Variants in PLEC observed in about 807,000 individuals in gnomAD.
PLEC encodes hemidesmosomal protein 1.
Under a neutral mutation model 392.8 loss-of-function variants are expected in PLEC, and 216 were observed. The observed-to-expected ratio is 0.55, with a 90% CI of 0.49 to 0.62. PLEC has a LOEUF of 0.62. Ranked by LOEUF, PLEC falls within the 20% of genes least tolerant of loss-of-function variation. The pLI, the probability that PLEC is intolerant of heterozygous loss-of-function variation, is 0.00. For synonymous variants in PLEC, 3,621 were observed against 2,980.6 expected (o/e 1.21, Z -7.00); for missense variants, 6,863 against 6,563.4 (o/e 1.05, Z -1.58).
In PLEC at chr8:143,925,056, C is replaced by A; in HGVS notation, c.4873G>T (p.Glu1625Ter). 6.5e-7 allele frequency: 1 copy of A among 1,544,966 alleles called. No homozygotes were observed. The highest frequency in any genetic ancestry group is 8.7e-7 in the Non-Finnish European group (1 of 1,152,210). Reference sequence around the variant, plus strand: ...CGCTCCAGCTCCCGCTCTGCCTCCTCGCGCGCCCGCTCGGCCTCGGCCTGC... The same window carrying A: ...CGCTCCAGCTCCCGCTCTGCCTCCTAGCGCGCCCGCTCGGCCTCGGCCTGC... ...QQQAEAERAR[E>*]EAERELERWQ... The change falls in exon 31 of 32, where the codon GAG becomes TAG. Residue 1625 changes from glutamate to a stop codon, truncating the protein, a stop_gained. Transcript: ENST00000345136. LOFTEE classifies it high-confidence loss of function.
chr8:143,942,264 A>T, upstream of PLEC: 1 of 1,050,276 alleles, frequency 9.5e-7, no homozygotes, highest in Non-Finnish European at 1.4e-6. Context: ...GCTCGGGGGC[A>T]AGGCTGCACC....
At position 143,934,070 on chromosome 8, in the gene PLEC, G is replaced by A. The variant is rs781888321; in HGVS notation, c.1191C>T (p.Ile397=). The A allele has an allele frequency of 8.9e-5, 143 of 1,611,636 alleles. No homozygotes were observed. The highest frequency in any genetic ancestry group is 1.1e-4 in the Non-Finnish European group (135 of 1,179,542). ...EFERLECLQR[I]VTKLQMEAGL... Reference sequence around the variant, plus strand: ...CCGCCTCCATCTGCAGCTTGGTCACGATGCGCTGAAGACACTCCAGCCTGC... The same window carrying A: ...CCGCCTCCATCTGCAGCTTGGTCACAATGCGCTGAAGACACTCCAGCCTGC... Residue 397 remains isoleucine, a synonymous_variant, in exon 12 of 32, where the codon ATC becomes ATT. Transcript: ENST00000345136.
intron 12 of PLEC, 142 bp downstream of exon 12, chr8:143,933,856 T>C (rs1554719731): frequency 1.4e-6 from 1 of 701,084 alleles, no homozygotes; most frequent in East Asian, 2.7e-5. Context: ...CAGGCCTGGA[T>C]TCCCCACCAC....
In PLEC at chr8:143,927,742, G is replaced by T. The variant is rs781789757; in HGVS notation, c.3424C>A (p.Gln1142Lys). 14 of 1,598,014 alleles carry T rather than the reference G, an allele frequency of 8.8e-6. No individual in the cohort carries two copies. Among genetic ancestry groups the T allele is most frequent in the Non-Finnish European group, 1.1e-5 (13 of 1,172,020 alleles). The change falls in exon 27 of 32, where the codon CAG becomes AAG. Residue 1142 changes from glutamine to lysine, a missense_variant. Gln to Lys is a moderately conservative substitution (Grantham distance 53). Transcript: ENST00000345136. The stretch of plus-strand genomic sequence containing the variant: ...CGCAGGGCGTCGAACGTGGGCTGCT[G>T]TGCCTCGGCCTGGGCCCGCAGCTTC... ...LKKLRAQAEA[Q>K]QPTFDALRDE...
In PLEC at chr8:143,932,776, C is replaced by T. The variant is rs367803033; in HGVS notation, c.1737+17G>A. 143 of 1,611,148 alleles carry T rather than the reference C, an allele frequency of 8.9e-5. 1 individual carries two copies. The highest frequency in any genetic ancestry group is 1.8e-4 in the South Asian group (16 of 90,878). On this transcript the variant is annotated intron_variant, in intron 14 of 31. Transcript: ENST00000345136. ...CCCGGCCCACCCCCGCACTGCCCAT[C>T]GCTCAGCGCCACCCACCTCGTCACT... is the stretch of plus-strand genomic sequence containing the variant.
At position 143,939,372 on chromosome 8, in the gene PLEC, G is replaced by A. The variant is rs782648372; in HGVS notation, c.90C>T (p.Leu30=). The change falls in exon 1 of 32, where the codon CTC becomes CTT. Residue 30 remains leucine, a synonymous_variant. Coordinates refer to ENST00000345136, the MANE Select transcript of PLEC (RefSeq NM_201384.3). ...TACCTTTCTTGCCCTCAGAGGCCCT[G>A]AGCACAGCCAGGTACAGGTTGTCCT... is the stretch of plus-strand genomic sequence containing the variant. The part of the protein sequence containing the change: ...SSEDNLYLAV[L]RASEGKKDER... 7.4e-6 allele frequency: 12 copies of A among 1,612,468 alleles called. No individual in the cohort carries two copies. The South Asian group carries it at 1.1e-4, about 15-fold the overall frequency.
intron 1 of PLEC, among the ~76,000 whole-genome samples, chr8:143,962,549 C>G (rs1228081145): frequency 2.6e-5 from 4 of 152,150 alleles, no homozygotes; most frequent in Non-Finnish European, 5.9e-5. Context: ...GGGTAATAAA[C>G]AGAAGCTGGG....
rs374790646 is a variant in PLEC at position 143,924,409 on chromosome 8, G to A, written c.5520C>T (p.Ala1840=). ...EAERVLAEKL[A]AIGEATRLKT... The stretch of plus-strand genomic sequence containing the variant: ...TGAGCCGCGTGGCCTCGCCGATGGC[G>A]GCCAGCTTCTCCGCAAGCACCCGCT... The change falls in exon 31 of 32, where the codon GCC becomes GCT. Residue 1840 remains alanine, a synonymous_variant. Transcript: ENST00000345136. 553 of 1,593,058 alleles carry A rather than the reference G, an allele frequency of 3.5e-4. 5 individuals carry two copies. Among genetic ancestry groups the A allele is most frequent in the South Asian group, 3.1e-3 (284 of 90,602 alleles).
In PLEC at chr8:143,927,002, G is replaced by A. The variant is rs199796047; in HGVS notation, c.3920C>T (p.Ser1307Leu). 1.1e-4 allele frequency: 177 copies of A among 1,612,944 alleles called. No homozygotes were observed. The highest frequency in any genetic ancestry group is 1.3e-4 in the Non-Finnish European group (156 of 1,179,930). Residue 1307 changes from serine (S) to leucine (L), a missense_variant, in exon 29 of 32, where the codon TCG (serine) becomes TTG (leucine). Ser to Leu is a moderately radical substitution (Grantham distance 145). Coordinates refer to ENST00000345136, the MANE Select transcript of PLEC (RefSeq NM_201384.3). ...CTCCTGGATGACACTCTCTGATCCCGACTGGACCTTGGGCTTCTTGGCCGG... is the reference window on the plus strand; with the variant it reads ...CTCCTGGATGACACTCTCTGATCCCAACTGGACCTTGGGCTTCTTGGCCGG... ...ASPAKKPKVQ[S>L]GSESVIQEYV...
At chr8:143,958,673 AG>A, upstream of PLEC, 1 of 454,578 alleles carries the variant, frequency 2.2e-6, no homozygotes, top group South Asian at 1.6e-5. This position sits in a 1 kb window ranked among gnomAD's most constrained non-coding sequence, Gnocchi z 4.9. Context: ...TGCCCTCTGG[AG>A]GCCCTCCTCA....
rs781809661 is a variant in PLEC at position 143,934,400 on chromosome 8, G to A, written c.1087C>T (p.Pro363Ser). ...CCCCACTCCTTCTCCACATCCAGCG[G>A]GTGGTAGCCAGGGGGCACCTTGAGC... ...GQLKVPPGYH[P>S]LDVEKEWGKL... Residue 363 changes from proline (P) to serine (S), a missense_variant, in exon 11 of 32, where the codon CCG becomes TCG. Physicochemically the swap from Pro to Ser is moderately conservative, Grantham distance 74 (BLOSUM62 -1). Coordinates refer to ENST00000345136, the MANE Select transcript of PLEC (RefSeq NM_201384.3). 8.7e-6 allele frequency: 14 copies of A among 1,612,354 alleles called. No homozygotes were observed. Among genetic ancestry groups the A allele is most frequent in the Admixed American group, 1.7e-5 (1 of 60,016 alleles).
Position 143,923,258 on chromosome 8 carries a change from C to T in PLEC, c.6671G>A (p.Ser2224Asn), listed in dbSNP as rs781886223. The T allele has an allele frequency of 5.0e-6, 8 of 1,605,980 alleles. No homozygotes were observed. In the South Asian group the frequency reaches 8.8e-5, roughly 18 times the overall value. ...AEATEAARQR[S>N]QVEEELFSVR... is the part of the protein sequence containing the mutation. ...CGAGAAGAGCTCCTCCTCCACCTGG[C>T]TGCGCTGGCGTGCGGCCTCCGTGGC... Residue 2224 changes from serine to asparagine, a missense_variant, in exon 31 of 32, where the codon AGC becomes AAC. Coordinates refer to ENST00000345136, the MANE Select transcript of PLEC (RefSeq NM_201384.3).
intron 30 of PLEC, among the ~76,000 whole-genome samples, chr8:143,926,580 G>A (rs1825262122): frequency 6.6e-6 from 1 of 152,176 alleles, no homozygotes; most frequent in African/African-American, 2.4e-5. Flanking sequence ...GGGGAGCAGT[G>A]TAGCCACACC....
chr8:143,920,793 C>T lies in PLEC; in HGVS notation c.9028G>A (p.Val3010Ile), dbSNP rs782145186. 1.0e-5 allele frequency: 16 copies of T among 1,607,560 alleles called. No individual in the cohort carries two copies. The highest frequency in any genetic ancestry group is 5.0e-5 in the Admixed American group (3 of 60,028). The part of the protein sequence containing the change: ...LQRGERSVRD[V>I]AEVDTVRRAL... ...CGCCGCACAGTGTCCACCTCGGCTA[C>T]GTCTCGCACAGAGCGCTCACCTCGC... The change falls in exon 32 of 32, where the codon GTA becomes ATA. Residue 3010 changes from valine to isoleucine, a missense_variant. Physicochemically the swap from Val to Ile is conservative, Grantham distance 29 (BLOSUM62 3). Coordinates refer to ENST00000345136, the MANE Select transcript of PLEC (RefSeq NM_201384.3).
At chr8:143,963,491 G>A (rs560167864) in intron 1 of PLEC, among the ~76,000 whole-genome samples, 1 of 152,306 alleles carries the variant, frequency 6.6e-6, no homozygotes, top group South Asian at 2.1e-4. Flanking sequence ...CTCCCTTTGG[G>A]AATGGTGATG....
rs782523622 is a variant in PLEC at position 143,920,968 on chromosome 8, T to C, written c.8853A>G (p.Thr2951=). 6 of 1,612,988 alleles carry C rather than the reference T, an allele frequency of 3.7e-6. No homozygotes were observed. Among genetic ancestry groups the C allele is most frequent in the Middle Eastern group, 1.6e-4 (1 of 6,084 alleles). ...LLRQFRTGRI[T]VEKIIKIIIT... is the part of the protein sequence containing the mutation. Reference sequence around the variant, plus strand: ...TGATGATCTTGATGATCTTCTCCACTGTGATCCGGCCCGTGCGGAACTGCC... The same window carrying C: ...TGATGATCTTGATGATCTTCTCCACCGTGATCCGGCCCGTGCGGAACTGCC... Residue 2951 remains threonine (T), a synonymous_variant, in exon 32 of 32, where the codon ACA becomes ACG. Coordinates refer to ENST00000345136, the MANE Select transcript of PLEC (RefSeq NM_201384.3).
Position 143,929,438 on chromosome 8 carries a change from ACACTCC to A in PLEC, c.3051_3056del (p.Glu1018_Cys1019del). On this transcript the variant is annotated inframe_deletion, in exon 24 of 32. Transcript: ENST00000345136. ...CCTGCTGCTCGGCGATGCGCTGGGC[ACACTCC>A]CGTGCCGGCTCTTTGTCCAGCGGCA... is the stretch of plus-strand genomic sequence containing the variant. The A allele has an allele frequency of 6.3e-7, 1 of 1,578,648 alleles. No individual in the cohort carries two copies. The highest frequency in any genetic ancestry group is 8.6e-7 in the Non-Finnish European group (1 of 1,164,254).
chr8:143,920,936 A>G lies in PLEC; in HGVS notation c.8885T>C (p.Val2962Ala). ...VEKIIKIIIT[V>A]VEEQEQKGRL... ...GCCCTTCTGCTCCTGCTCCTCCACC[A>G]CCGTGATGATGATCTTGATGATCTT... Residue 2962 changes from valine (V) to alanine (A), a missense_variant, in exon 32 of 32, where the codon GTG (valine) becomes GCG (alanine). Coordinates refer to ENST00000345136, the MANE Select transcript of PLEC (RefSeq NM_201384.3). 6.2e-7 allele frequency: 1 copy of G among 1,611,948 alleles called. No homozygotes were observed. Among genetic ancestry groups the G allele is most frequent in the Non-Finnish European group, 8.5e-7 (1 of 1,179,362 alleles).
intron 20 of PLEC, 23 bp from the exon 21 acceptor site, chr8:143,930,321 G>A (rs1554713550): frequency 6.3e-7 from 1 of 1,596,550 alleles, no homozygotes; most frequent in Non-Finnish European, 8.5e-7. Flanking sequence ...GAGTCGGTGA[G>A]GACATGGCCA....
Sources: gnomAD v4.1 joint callset for allele counts (sites outside exome capture counted in the v4.1 genomes callset) on GRCh38, gnomAD v4.1.1 for gene constraint, Gnocchi (gnomAD v3.1) non-coding constraint, MANE v1.5 for transcripts, NCBI Gene and HGNC (gene_info 2026-07-23, HGNC 2026-07-21) for gene names.